Variants in DND1 observed in about 807,000 individuals in gnomAD.
DND1 encodes DND microRNA-mediated repression inhibitor 1, also known as dead end protein homolog 1.
A neutral mutation model predicts 30.4 loss-of-function variants in DND1; 6 were observed. The observed-to-expected ratio is 0.20, with a 90% confidence interval of 0.11 to 0.39. The LOEUF (loss-of-function observed/expected upper bound fraction) is 0.39, where lower values mean the gene tolerates loss of function less well. DND1 is among the 10% of genes least tolerant of loss of function. DND1 has a pLI of 1.00. For missense variants in DND1, 358 were observed against 474.9 expected, an observed-to-expected ratio of 0.75 and a Z score of 2.29; for synonymous variants, 178 against 210.4, an observed-to-expected ratio of 0.85 and a Z score of 1.33.
At chr5:140,673,244 C>T (rs1329634659) in intron 2 of DND1, 27 bp downstream of exon 2, 1 of 1,610,032 alleles carries the variant, frequency 6.2e-7, no homozygotes, top group South Asian at 1.1e-5. Context: ...TGTAGCCGGA[C>T]AGGCGGAGGG....
At position 140,672,844 on chromosome 5, in the gene DND1, C is replaced by T; in HGVS notation, c.205G>A (p.Val69Met). 1.9e-6 allele frequency: 3 copies of T among 1,547,768 alleles called. No homozygotes were observed. Among genetic ancestry groups the T allele is most frequent in the Non-Finnish European group, 2.6e-6 (3 of 1,152,678 alleles). The change falls in exon 3 of 4, where the codon GTG becomes ATG. Residue 69 changes from valine (V) to methionine (M), a missense_variant. By Grantham distance (21) the Val-to-Met change is conservative. This residue lies in a region of DND1 where 120 missense variants were observed against 199.1 expected (regional missense o/e 0.60). Transcript: ENST00000542735. The stretch of plus-strand genomic sequence containing the variant: ...AGCGGGATAAGCTGGTGCTCGTACA[C>T]GTCCTGAGGCAGCCGCCCGATGAAC... ...EVFIGRLPQD[V>M]YEHQLIPLFQ...
At position 140,670,811 on chromosome 5, in the gene DND1, T is replaced by G; in HGVS notation, c.*482A>C. 3 of 214,318 alleles carry G rather than the reference T, an allele frequency of 1.4e-5. No homozygotes were observed. The highest frequency in any genetic ancestry group is 7.5e-5 in the South Asian group (1 of 13,312). The allele number at this position is 214,318 out of a possible 1,614,324, so 13.3% of individuals were successfully genotyped here. On this transcript the variant is annotated 3_prime_UTR_variant, in exon 4 of 4. Transcript: ENST00000542735. ...GACACAAGTATATACTAACCAGGGG[T>G]TTAATATAAATACAACCAGCATAGA... is the stretch of plus-strand genomic sequence containing the variant.
chr5:140,672,894 C>T lies in DND1; in HGVS notation c.155G>A (p.Ser52Asn). The T allele has an allele frequency of 6.5e-7, 1 of 1,537,990 alleles. No individual in the cohort carries two copies. The highest frequency in any genetic ancestry group is 8.7e-7 in the Non-Finnish European group (1 of 1,147,456). ...YGGPPPGWVGSPPPAGSEVFI... is the reference protein window; with the variant it reads ...YGGPPPGWVGNPPPAGSEVFI... ...CACCTCTGACCCAGCTGGCGGCGGGCTGCCCACCCAGCCTGTGGGAAGAGG... is the reference window on the plus strand; with the variant it reads ...CACCTCTGACCCAGCTGGCGGCGGGTTGCCCACCCAGCCTGTGGGAAGAGG... The change falls in exon 3 of 4, where the codon AGC becomes AAC. Residue 52 changes from serine to asparagine, a missense_variant. Coordinates refer to ENST00000542735, the MANE Select transcript of DND1 (RefSeq NM_194249.3).
At chr5:140,671,812 G>A in intron 3 of DND1, 62 bp from the exon 4 acceptor site, 1 of 1,500,096 alleles carries the variant, frequency 6.7e-7, no homozygotes. Context: ...TCCAGGTGGT[G>A]AGCCCTTTGG....
chr5:140,671,192 C>T lies in DND1; in HGVS notation c.*101G>A, dbSNP rs1758063384. On this transcript the variant is annotated 3_prime_UTR_variant, in exon 4 of 4. Coordinates refer to ENST00000542735, the MANE Select transcript of DND1 (RefSeq NM_194249.3). The stretch of plus-strand genomic sequence containing the variant: ...GATGGGCCTGGGCCCATGCCCCTCC[C>T]CACCTTTGGGGGTCAGAAAGTGGCC... 20 of 1,495,566 alleles carry T rather than the reference C, an allele frequency of 1.3e-5. No homozygotes were observed. The South Asian group carries it at 2.1e-4, about 15-fold the overall frequency. The allele number at this position is 1,495,566 out of a possible 1,614,324, so 92.6% of individuals were successfully genotyped here.
At chr5:140,673,037 G>C (rs1758135818) in intron 2 of DND1, 131 bp from the exon 3 acceptor site, 1 of 1,155,472 alleles carries the variant, frequency 8.7e-7, no homozygotes. Flanking sequence ...CGTACCCTGG[G>C]TGGTTGGCAT....
intron 1 of DND1, 58 bp downstream of exon 1, chr5:140,673,461 C>G (rs531936231): frequency 1.2e-6 from 2 of 1,613,208 alleles, no homozygotes; most frequent in African/African-American, 2.7e-5. Flanking sequence ...ACTGGGGTCC[C>G]TAAAGCCGAC....
chr5:140,673,380 A>C lies in DND1; in HGVS notation c.33T>G (p.Cys11Trp), dbSNP rs1346716259. ...CCTTGTTCTCTGGATTCACCCTCTC[A>C]CACCACAGCTGAGAGGGAAAGGAAG... MQSKRDCELWCERVNPENKAA... is the reference protein window; with the variant it reads MQSKRDCELWWERVNPENKAA... The change falls in exon 2 of 4, where the codon TGT (cysteine) becomes TGG (tryptophan). Residue 11 changes from cysteine (C) to tryptophan (W), a missense_variant. By Grantham distance (215) the Cys-to-Trp change is radical. This residue lies in a region of DND1 where 120 missense variants were observed against 199.1 expected (regional missense o/e 0.60). Transcript: ENST00000542735. 6.2e-7 allele frequency: 1 copy of C among 1,613,982 alleles called. No individual in the cohort carries two copies. The highest frequency in any genetic ancestry group is 1.7e-5 in the Admixed American group (1 of 60,022).
At chr5:140,672,273 A>G in intron 3 of DND1, 172 bp downstream of exon 3, 1 of 696,514 alleles carries the variant, frequency 1.4e-6, no homozygotes, top group Non-Finnish European at 2.4e-6. Context: ...AAATTTAGGT[A>G]AGCGGTGGTG....
rs1758137551 is a variant in DND1 at position 140,673,098 on chromosome 5, G to T, written c.142+173C>A. 6.1e-6 allele frequency: 6 copies of T among 990,758 alleles called. No homozygotes were observed. The African/African-American group carries it at 7.9e-5, about 13-fold the overall frequency. 61.4% of individuals were successfully genotyped at this position (990,758 alleles called of 1,614,324 possible). ...GGCTGGCACAGAGTAGGTACACCTT[G>T]AGATTGGCCCCCTCCCTCGACGGGG... is the stretch of plus-strand genomic sequence containing the variant. On this transcript the variant is annotated intron_variant, in intron 2 of 3. Transcript: ENST00000542735.
rs1476325364 is a variant in DND1, at chr5:140,672,671, G to A, written c.378C>T (p.Ser126=). ...TGCTGCGGCACACGAGCAGCGGGCA[G>A]GACGGCCGCAGCGGATGGTTGTGCA... ...ATLHNHPLRP[S]CPLLVCRSTE... Residue 126 remains serine (S), a synonymous_variant, in exon 3 of 4, where the codon TCC becomes TCT. Coordinates refer to ENST00000542735, the MANE Select transcript of DND1 (RefSeq NM_194249.3). 1.9e-6 allele frequency: 3 copies of A among 1,576,936 alleles called. No individual in the cohort carries two copies. Among genetic ancestry groups the A allele is most frequent in the African/African-American group, 1.3e-5 (1 of 74,512 alleles).
Position 140,673,502 on chromosome 5 carries a change from A to C in DND1, c.24+17T>G, listed in dbSNP as rs1335998716. 1 of 1,602,618 alleles carries C rather than the reference A, an allele frequency of 6.2e-7. No individual in the cohort carries two copies. The highest frequency in any genetic ancestry group is 8.5e-7 in the Non-Finnish European group (1 of 1,174,392). ...CTCCGGCGGGGCTCGCCGGCCCCCA[A>C]GTCGCCAGCCGCTTACCTCACAATC... is the stretch of plus-strand genomic sequence containing the variant. On this transcript the variant is annotated intron_variant, in intron 1 of 3. Transcript: ENST00000542735.
At position 140,672,882 on chromosome 5, in the gene DND1, G is replaced by C; in HGVS notation, c.167C>G (p.Ala56Gly). The C allele has an allele frequency of 6.5e-7, 1 of 1,539,130 alleles. No individual in the cohort carries two copies. The highest frequency in any genetic ancestry group is 8.7e-7 in the Non-Finnish European group (1 of 1,147,932). Residue 56 changes from alanine (A) to glycine (G), a missense_variant, in exon 3 of 4, where the codon GCT becomes GGT. Coordinates refer to ENST00000542735, the MANE Select transcript of DND1 (RefSeq NM_194249.3). ...CCGCCCGATGAACACCTCTGACCCA[G>C]CTGGCGGCGGGCTGCCCACCCAGCC... ...PPGWVGSPPP[A>G]GSEVFIGRLP...
chr5:140,671,814 G>T, intron 3 of DND1, 64 bp from the exon 4 acceptor site: 2 of 1,502,364 alleles, frequency 1.3e-6, no homozygotes, highest in Non-Finnish European at 1.8e-6. Flanking sequence ...CAGGTGGTGA[G>T]CCCTTTGGAG....
rs377166872 is a variant in DND1, at chr5:140,673,526, T to A, written c.17A>T (p.Asp6Val). Residue 6 changes from aspartate to valine, a missense_variant, in exon 1 of 4, where the codon GAT becomes GTT. By Grantham distance (152) the Asp-to-Val change is radical. Coordinates refer to ENST00000542735, the MANE Select transcript of DND1 (RefSeq NM_194249.3). MQSKR[D>V]CELWCERVNP... The stretch of plus-strand genomic sequence containing the variant: ...AAGTCGCCAGCCGCTTACCTCACAA[T>A]CCCGCTTGGACTGCATGGCTCTCCA... 19 of 1,589,438 alleles carry A rather than the reference T, an allele frequency of 1.2e-5. No individual in the cohort carries two copies. The highest frequency in any genetic ancestry group is 1.5e-5 in the Non-Finnish European group (17 of 1,167,570).
rs754021893 is a variant in DND1 at position 140,672,604 on chromosome 5, G to C, written c.445C>G (p.Leu149Val). 2 of 1,571,266 alleles carry C rather than the reference G, an allele frequency of 1.3e-6. No homozygotes were observed. The highest frequency in any genetic ancestry group is 1.7e-6 in the Non-Finnish European group (2 of 1,165,886). The stretch of plus-strand genomic sequence containing the variant: ...GCGAGCAGCAGCGCGCTGCGGGTCA[G>C]ATTCGGCGGCAGGCCGTCAACGCTC... ...ELSVDGLPPN[L>V]TRSALLLALQ... is the part of the protein sequence containing the mutation. Residue 149 changes from leucine to valine, a missense_variant, in exon 3 of 4, where the codon CTG becomes GTG. Leu to Val is a conservative substitution (Grantham distance 32). Transcript: ENST00000542735.
chr5:140,673,255 G>T lies in DND1; in HGVS notation c.142+16C>A, dbSNP rs748020236. 4 of 1,612,058 alleles carry T rather than the reference G, an allele frequency of 2.5e-6. No individual in the cohort carries two copies. The highest frequency in any genetic ancestry group is 3.3e-5 in the Admixed American group (2 of 60,020). On this transcript the variant is annotated intron_variant, in intron 2 of 3. Coordinates refer to ENST00000542735, the MANE Select transcript of DND1 (RefSeq NM_194249.3). ...CTGGTGTAGCCGGACAGGCGGAGGG[G>T]CTGGGACTACCGTACCTGGGGGTGG...
At position 140,671,257 on chromosome 5, in the gene DND1, A is replaced by G; in HGVS notation, c.*36T>C. On this transcript the variant is annotated 3_prime_UTR_variant, in exon 4 of 4. Coordinates refer to ENST00000542735, the MANE Select transcript of DND1 (RefSeq NM_194249.3). ...GGATGGGGCCTGACACAGGCTCTGC[A>G]TGCCCATTCAGGGTGCCTGTGGAGA... The G allele has an allele frequency of 3.7e-6, 6 of 1,611,234 alleles. No individual in the cohort carries two copies. The highest frequency in any genetic ancestry group is 5.1e-6 in the Non-Finnish European group (6 of 1,178,988).
Position 140,672,926 on chromosome 5 carries a change from A to C in DND1, c.143-20T>G. On this transcript the variant is annotated intron_variant, in intron 2 of 3. Coordinates refer to ENST00000542735, the MANE Select transcript of DND1 (RefSeq NM_194249.3). Reference sequence around the variant, plus strand: ...CCCAGCCTGTGGGAAGAGGGTATGCAAGGCCACCGTCAGGCGACGCTTTCG... The same window carrying C: ...CCCAGCCTGTGGGAAGAGGGTATGCCAGGCCACCGTCAGGCGACGCTTTCG... 1.3e-6 allele frequency: 2 copies of C among 1,536,488 alleles called. No individual in the cohort carries two copies. The highest frequency in any genetic ancestry group is 1.7e-6 in the Non-Finnish European group (2 of 1,146,852).
Sources: allele counts gnomAD v4.1 joint callset, GRCh38; gene constraint gnomAD v4.1.1; regional missense constraint gnomAD v4.1.1; transcripts MANE v1.5; gene names NCBI Gene and HGNC (gene_info 2026-07-23, HGNC 2026-07-21).